Variants in CPT1C observed in about 807,000 individuals in gnomAD.
CPT1C encodes the protein palmitoyl thioesterase CPT1C.
Under a neutral mutation model 97.3 loss-of-function variants are expected in CPT1C, and 61 were observed. The ratio of observed to expected loss-of-function variants is 0.63; its 90% CI spans 0.51 to 0.78. CPT1C has a LOEUF of 0.78. Ranked by LOEUF, CPT1C falls within the 30% of genes least tolerant of loss-of-function variation. The pLI, the probability that CPT1C is intolerant of heterozygous loss-of-function variation, is 0.00. For synonymous variants in CPT1C, 469 were observed against 447.2 expected, an observed-to-expected ratio of 1.05 and a Z score of -0.61; for missense variants, 975 against 1,065.5, an observed-to-expected ratio of 0.92 and a Z score of 1.18.
At chr19:49,709,333 CCTCAACCCCAT>C (rs1178523774) in intron 14 of CPT1C, among the ~76,000 whole-genome samples, 1 of 151,350 alleles carries the variant, frequency 6.6e-6, no homozygotes, top group Non-Finnish European at 1.5e-5. Flanking sequence ...CCATACCCAA[CCTCAACCCCAT>C]ACCCCACACC....
At chr19:49,704,583 G>A in intron 7 of CPT1C, 127 bp from the exon 8 acceptor site, 5 of 703,304 alleles carry the variant, frequency 7.1e-6, no homozygotes, top group African/African-American at 1.8e-5. Context: ...TACTGACTAC[G>A]ATGGCTGACT....
chr19:49,703,312 C>T (rs1222536460), intron 7 of CPT1C, among the ~76,000 whole-genome samples: 1 of 151,494 alleles, frequency 6.6e-6, no homozygotes, highest in African/African-American at 2.4e-5. Context: ...CAGGTTCACG[C>T]CATTCTCCTG....
intron 17 of CPT1C, 111 bp from the exon 18 acceptor site, chr19:49,712,625 A>C (rs1261363706): frequency 3.9e-6 from 3 of 759,986 alleles, no homozygotes; most frequent in Non-Finnish European, 6.9e-6. Context: ...AGGGAGAAGG[A>C]GGCCCGGATT....
Position 49,695,446 on chromosome 19 carries a change from G to A in CPT1C, c.142-1880G>A, listed in dbSNP as rs148960473. ...TTACAGGTGCCTGCCACCAGGCCCG[G>A]CTAATTTTTTGTATTTTTAGTATAG... On this transcript the variant is annotated intron_variant, in intron 3 of 19. Transcript: ENST00000598293. 1.5e-3 allele frequency among the ~76,000 whole-genome samples: 222 copies of A among 151,862 alleles called. 2 individuals are homozygous for A. The highest frequency in any genetic ancestry group is 5.7e-3 in the East Asian group (29 of 5,086).
chr19:49,692,760 T>TCACTCA (rs755267060), intron 3 of CPT1C, among the ~76,000 whole-genome samples: 2 of 152,228 alleles, frequency 1.3e-5, no homozygotes, highest in African/African-American at 2.4e-5. Context: ...ACAGTCTCAC[T>TCACTCA]CTGTCGCCCA....
chr19:49,708,873 C>A, intron 14 of CPT1C, 34 bp downstream of exon 14: 1 of 1,353,582 alleles, frequency 7.4e-7, no homozygotes, highest in Non-Finnish European at 1.1e-6. Flanking sequence ...TCCTCCAAGT[C>A]CCAAGATTCC....
At chr19:49,697,205 A>G in intron 3 of CPT1C, 121 bp from the exon 4 acceptor site, 1 of 1,250,782 alleles carries the variant, frequency 8.0e-7, no homozygotes, top group Non-Finnish European at 1.2e-6. Context: ...GTTCCCTACT[A>G]GATCTTGAGC....
In CPT1C at chr19:49,706,943, A is replaced by C. The variant is rs544269456; in HGVS notation, c.1343+530A>C. Among the ~76,000 whole-genome samples, 131 of 152,258 alleles carry C rather than the reference A, an allele frequency of 8.6e-4. No homozygotes were observed. Among genetic ancestry groups the C allele is most frequent in the African/African-American group, 3.0e-3 (125 of 41,568 alleles). ...GTCCCGCTGACCTCCCAGCACCCCC[A>C]AAAGCCTTGAACCTTCCTCGGCAAG... On this transcript the variant is annotated intron_variant, in intron 12 of 19. Coordinates refer to ENST00000598293, the MANE Select transcript of CPT1C (RefSeq NM_001199753.2). This position sits in a 1 kb window ranked among gnomAD's most constrained non-coding sequence, Gnocchi z 4.8.
At position 49,697,341 on chromosome 19, in the gene CPT1C, G is replaced by A. The variant is rs374236576; in HGVS notation, c.157G>A (p.Gly53Ser). ...CTCCCCACAGAATGACTTTCTCACC[G>A]GTGTGTTTCCTGCCAGCCCCCTCAG... ...LSRFWNDFLT[G>S]VFPASPLSWL... The change falls in exon 4 of 20, where the codon GGT becomes AGT. Residue 53 changes from glycine (G) to serine (S), a missense_variant. By Grantham distance (56) the Gly-to-Ser change is moderately conservative. This residue lies in a region of CPT1C where 596 missense variants were observed against 603.1 expected (regional missense o/e 0.99). Transcript: ENST00000598293. 43 of 1,613,936 alleles carry A rather than the reference G, an allele frequency of 2.7e-5. No homozygotes were observed. Among genetic ancestry groups the A allele is most frequent in the Non-Finnish European group, 3.3e-5 (39 of 1,180,002 alleles).
rs2083056553 is a variant in CPT1C, at chr19:49,701,505, G to A, written c.564G>A (p.Glu188=). Residue 188 remains glutamate, a synonymous_variant, in exon 7 of 20, where the codon GAG becomes GAA. Coordinates refer to ENST00000598293, the MANE Select transcript of CPT1C (RefSeq NM_001199753.2). ...CCTCTTCTCCCCTTTAGTACCTGGAGTCGGTCCGGCCCATCCTCTCCGACG... is the reference window on the plus strand; with the variant it reads ...CCTCTTCTCCCCTTTAGTACCTGGAATCGGTCCGGCCCATCCTCTCCGACG... ...SVQDTVRKYL[E]SVRPILSDED... is the part of the protein sequence containing the mutation. The A allele has an allele frequency of 6.2e-7, 1 of 1,607,594 alleles. No homozygotes were observed. The highest frequency in any genetic ancestry group is 8.5e-7 in the Non-Finnish European group (1 of 1,175,398).
intron 13 of CPT1C, 22 bp from the exon 14 acceptor site, chr19:49,708,701 A>G (rs749897267): frequency 6.3e-7 from 1 of 1,577,580 alleles, no homozygotes; most frequent in South Asian, 1.1e-5. Context: ...AAGGGACTCT[A>G]ACAGCCTCTG....
intron 7 of CPT1C, 86 bp downstream of exon 7, chr19:49,701,720 C>T: frequency 7.0e-7 from 1 of 1,421,846 alleles, no homozygotes; most frequent in South Asian, 1.4e-5. Flanking sequence ...ATACGCCCTG[C>T]CCCACGACAC....
rs746468001 is a variant in CPT1C, at chr19:49,700,899, C to T, written c.453+44C>T. ...CCTGCTCAGGCTCTCCTGGGACCCGCTTATCTATTCCCCTCTCTCTGGGTC... is the reference window on the plus strand; with the variant it reads ...CCTGCTCAGGCTCTCCTGGGACCCGTTTATCTATTCCCCTCTCTCTGGGTC... On this transcript the variant is annotated intron_variant, in intron 5 of 19. Coordinates refer to ENST00000598293, the MANE Select transcript of CPT1C (RefSeq NM_001199753.2). 24 of 1,563,572 alleles carry T rather than the reference C, an allele frequency of 1.5e-5. No homozygotes were observed. In the Admixed American group the frequency reaches 4.1e-4, roughly 26 times the overall value.
At chr19:49,704,599 G>A (rs992464531) in intron 7 of CPT1C, 111 bp from the exon 8 acceptor site, 3 of 780,510 alleles carry the variant, frequency 3.8e-6, no homozygotes, top group African/African-American at 3.4e-5. Context: ...TGACTTCTTT[G>A]GCTCTATCCT....
At chr19:49,703,578 TCCCTCCC>T (rs2083322632) in intron 7 of CPT1C, among the ~76,000 whole-genome samples, 1 of 38,298 alleles carries the variant, frequency 2.6e-5, no homozygotes, top group African/African-American at 1.1e-4. Flanking sequence ...CCTCCCTCCC[TCCCTCCC>T]TCCCTCCCTC....
chr19:49,709,822 T>G (rs573549372), intron 14 of CPT1C, among the ~76,000 whole-genome samples: 1 of 148,878 alleles, frequency 6.7e-6, no homozygotes, highest in Non-Finnish European at 1.5e-5. Context: ...TCCCAAAGTG[T>G]TGGGATTACA....
At chr19:49,710,702 C>T in intron 15 of CPT1C, 21 bp from the exon 16 acceptor site, 2 of 1,605,142 alleles carry the variant, frequency 1.2e-6, no homozygotes, top group Non-Finnish European at 1.7e-6. Context: ...ACAGACTCCT[C>T]TTCTCCTCCC....
intron 7 of CPT1C, among the ~76,000 whole-genome samples, chr19:49,703,382 A>G (rs1374289832): frequency 8.1e-6 from 1 of 123,760 alleles, no homozygotes; most frequent in Non-Finnish European, 1.7e-5. Context: ...TTGTATTTTT[A>G]GTAGAGATGG....
rs1189976267 is a variant in CPT1C at position 49,702,110 on chromosome 19, ATATT to A, written c.693+488_693+491del. Among the ~76,000 whole-genome samples, 237 of 31,602 alleles carry A rather than the reference ATATT, an allele frequency of 7.5e-3. 66 individuals carry two copies. Among genetic ancestry groups the A allele is most frequent in the East Asian group, 0.024 (33 of 1,362 alleles). The allele number at this position is 31,602 out of a possible 152,430, so 20.7% of individuals were successfully genotyped here. A position where few individuals can be genotyped will look rare whatever the true frequency, so the allele number is the denominator to read the frequency against. On this transcript the variant is annotated intron_variant, in intron 7 of 19. Transcript: ENST00000598293. ...ATATTTATTTATAAATTATAAATATATATTTATTTATTTATAAATTATAAATAAA... is the reference window on the plus strand; with the variant it reads ...ATATTTATTTATAAATTATAAATATATATTTATTTATAAATTATAAATAAA...
Sources: gnomAD v4.1 joint callset for allele counts (sites outside exome capture counted in the v4.1 genomes callset) on GRCh38, gnomAD v4.1.1 for gene constraint, gnomAD v4.1.1 regional missense constraint, Gnocchi (gnomAD v3.1) non-coding constraint, MANE v1.5 for transcripts, NCBI Gene and HGNC (gene_info 2026-07-23, HGNC 2026-07-21) for gene names.